FHIP1A: variants seen among roughly 807,000 people sequenced by gnomAD.
The protein encoded by FHIP1A is FHF complex subunit HOOK-interacting protein 1A.
In FHIP1A, 61 loss-of-function variants were observed where a neutral mutation model predicts 88.6. That is an observed-to-expected ratio of 0.69 (90% CI 0.56 to 0.85). FHIP1A has a LOEUF of 0.85. FHIP1A is among the 40% of genes least tolerant of loss of function. The pLI, the probability that FHIP1A is intolerant of heterozygous loss-of-function variation, is 0.00. For synonymous variants in FHIP1A, 478 were observed against 496.0 expected (o/e 0.96, Z 0.48); for missense variants, 1,154 against 1,273.5 (o/e 0.91, Z 1.43).
At position 151,646,701 on chromosome 4, in the gene FHIP1A, AAGAG is replaced by A; in HGVS notation, c.1373_1376del (p.Glu458GlyfsTer57). On this transcript the variant is annotated frameshift_variant, in exon 10 of 14. Coordinates refer to ENST00000435205, the MANE Select transcript of FHIP1A (RefSeq NM_001109977.3). LOFTEE classifies it high-confidence loss of function. ...GGGATCACTCTGACGCTGGGGAACC[AAGAG>A]AGGGATTATATTCTCTGGTCAAAGT... 1.3e-6 allele frequency: 2 copies of A among 1,551,614 alleles called. No homozygotes were observed. The highest frequency in any genetic ancestry group is 1.7e-6 in the Non-Finnish European group (2 of 1,146,956).
At position 151,641,353 on chromosome 4, in the gene FHIP1A, G is replaced by A. The variant is rs372180105; in HGVS notation, c.1226+2597G>A. Reference sequence around the variant, plus strand: ...ATGTGACTCAGCATGTTTTGGTTTTGGAGTATGCCACCTCATAAGATTATT... The same window carrying A: ...ATGTGACTCAGCATGTTTTGGTTTTAGAGTATGCCACCTCATAAGATTATT... On this transcript the variant is annotated intron_variant, in intron 9 of 13. Transcript: ENST00000435205. Among the ~76,000 whole-genome samples the A allele has an allele frequency of 1.0e-3, 154 of 152,284 alleles. 5 individuals carry two copies. In the South Asian group the frequency reaches 0.031, roughly 31 times the overall value.
At chr4:151,594,296 G>A (rs1734561902) in intron 7 of FHIP1A, among the ~76,000 whole-genome samples, 1 of 152,122 alleles carries the variant, frequency 6.6e-6, no homozygotes, top group African/African-American at 2.4e-5. Flanking sequence ...CTGTTGTTTG[G>A]AATAGTTTCA....
intron 7 of FHIP1A, among the ~76,000 whole-genome samples, chr4:151,623,175 C>T (rs1735812508): frequency 6.6e-6 from 1 of 152,184 alleles, no homozygotes; most frequent in African/African-American, 2.4e-5. Context: ...CTTGTTCTGT[C>T]AGTATTGGTC....
intron 1 of FHIP1A, among the ~76,000 whole-genome samples, chr4:151,412,579 CTTTCT>C (rs1362706774): frequency 0.011 from 837 of 78,860 alleles, 5 homozygotes; most frequent in African/African-American, 0.017. Context: ...TCTTTCTTTC[CTTTCT>C]TTCCTTCCTT....
intron 3 of FHIP1A, among the ~76,000 whole-genome samples, chr4:151,488,789 A>G (rs962089530): frequency 8.5e-5 from 13 of 152,220 alleles, no homozygotes; most frequent in African/African-American, 2.2e-4. Context: ...CTGTGCGTCT[A>G]TCACCCAACG....
intron 2 of FHIP1A, among the ~76,000 whole-genome samples, chr4:151,477,322 C>T (rs12651135): frequency 0.36 from 54,807 of 151,846 alleles, 10,372 homozygotes; most frequent in Non-Finnish European, 0.43. Context: ...AGCTGTCTGG[C>T]GGAAAAGGTA....
intron 4 of FHIP1A, among the ~76,000 whole-genome samples, chr4:151,573,141 T>C (rs1288529556): frequency 2.6e-5 from 4 of 152,216 alleles, no homozygotes; most frequent in African/African-American, 9.6e-5. Context: ...TTAGGTTAAA[T>C]TTAGCTCTAT....
intron 1 of FHIP1A, among the ~76,000 whole-genome samples, chr4:151,413,040 A>G (rs992995579): frequency 6.6e-6 from 1 of 152,148 alleles, no homozygotes; most frequent in South Asian, 2.1e-4. Flanking sequence ...TGACAGGACT[A>G]TATATGAATA....
chr4:151,622,405 CTGTT>C (rs972406555), intron 7 of FHIP1A, among the ~76,000 whole-genome samples: 2 of 152,168 alleles, frequency 1.3e-5, no homozygotes, highest in Non-Finnish European at 2.9e-5. Context: ...CGTGTAATCT[CTGTT>C]TGAATTTGAA....
intron 1 of FHIP1A, among the ~76,000 whole-genome samples, chr4:151,435,706 A>T (rs1728163050): frequency 6.6e-6 from 1 of 150,938 alleles, no homozygotes; most frequent in South Asian, 2.1e-4. Context: ...AATCGCTTGA[A>T]CCCAGGAGGC....
chr4:151,641,850 A>G (rs1736599603), intron 9 of FHIP1A, among the ~76,000 whole-genome samples: 1 of 152,218 alleles, frequency 6.6e-6, no homozygotes, highest in South Asian at 2.1e-4. Context: ...TGTTGCTGCC[A>G]CTGCAGTCAT....
At chr4:151,449,421 A>T (rs898102044) in intron 1 of FHIP1A, among the ~76,000 whole-genome samples, 1 of 151,808 alleles carries the variant, frequency 6.6e-6, no homozygotes, top group Non-Finnish European at 1.5e-5. Context: ...ATAATTATAC[A>T]TATATATGGG....
chr4:151,462,731 G>A (rs1451290970), intron 2 of FHIP1A, among the ~76,000 whole-genome samples: 2 of 152,184 alleles, frequency 1.3e-5, no homozygotes, highest in African/African-American at 4.8e-5. Context: ...TTGTGAGCCT[G>A]CTGTTTATAG....
chr4:151,545,986 A>G (rs2126735510), intron 3 of FHIP1A, among the ~76,000 whole-genome samples: 1 of 152,266 alleles, frequency 6.6e-6, no homozygotes, highest in South Asian at 2.1e-4. Flanking sequence ...CCTAGATAGT[A>G]AAGTGTCACT....
chr4:151,454,699 A>G lies in FHIP1A; in HGVS notation c.-355-2A>G, dbSNP rs1294529829. 6.7e-6 allele frequency: 1 copy of G among 150,272 alleles called. No individual in the cohort carries two copies. Among genetic ancestry groups the G allele is most frequent in the South Asian group, 2.1e-4 (1 of 4,790 alleles). The allele number at this position is 150,272 out of a possible 1,614,324, so 9.3% of individuals were successfully genotyped here. ...CTGAAGGACTTTTTTTTTTTTTTCC[A>G]GGTGATACACTTGGGTGTTGAAGGA... On this transcript the variant is annotated splice_acceptor_variant, in intron 1 of 13. Transcript: ENST00000435205. LOFTEE classifies it low-confidence loss of function (5UTR_SPLICE).
intron 3 of FHIP1A, among the ~76,000 whole-genome samples, chr4:151,552,436 T>A (rs1425134119): frequency 2.0e-5 from 3 of 152,228 alleles, no homozygotes; most frequent in Admixed American, 6.5e-5. Flanking sequence ...CAAATGTCCA[T>A]CAATGATAGA....
rs1402747669 is a variant in FHIP1A, at chr4:151,656,790, C to G, written c.2761C>G (p.Gln921Glu). The G allele has an allele frequency of 6.4e-7, 1 of 1,551,482 alleles. No individual in the cohort carries two copies. The highest frequency in any genetic ancestry group is 8.7e-7 in the Non-Finnish European group (1 of 1,146,960). ...VLASVKNKIE[Q>E]FASVERDFPG... The stretch of plus-strand genomic sequence containing the variant: ...TGCATCTGTGAAAAACAAGATTGAA[C>G]AGTTTGCTTCTGTGGAGAGAGACTT... Residue 921 changes from glutamine (Q) to glutamate (E), a missense_variant, in exon 13 of 14, where the codon CAG becomes GAG. Physicochemically the swap from Gln to Glu is conservative, Grantham distance 29 (BLOSUM62 2). Transcript: ENST00000435205. The surrounding 1 kb of genome is among the most constrained non-coding windows in gnomAD (Gnocchi z 4.2).
At chr4:151,545,995 C>G (rs1732487864) in intron 3 of FHIP1A, among the ~76,000 whole-genome samples, 1 of 152,104 alleles carries the variant, frequency 6.6e-6, no homozygotes, top group Non-Finnish European at 1.5e-5. Flanking sequence ...TAAAGTGTCA[C>G]TTCTGGGTGT....
At chr4:151,640,507 T>C (rs977076290) in intron 9 of FHIP1A, among the ~76,000 whole-genome samples, 5 of 152,216 alleles carry the variant, frequency 3.3e-5, no homozygotes, top group South Asian at 2.1e-4. Flanking sequence ...TCTACTGATA[T>C]ATGACAGAAT....
Sources: allele counts gnomAD v4.1 joint callset (sites outside exome capture counted in the v4.1 genomes callset), GRCh38; gene constraint gnomAD v4.1.1; non-coding constraint Gnocchi (gnomAD v3.1); transcripts MANE v1.5; gene names NCBI Gene and HGNC (gene_info 2026-07-23, HGNC 2026-07-21).